SOX5: variants seen among roughly 807,000 people sequenced by gnomAD.
SOX5 encodes SRY-box transcription factor 5.
A neutral mutation model predicts 92.0 loss-of-function variants in SOX5; 9 were observed. The ratio of observed to expected loss-of-function variants is 0.10; its 90% CI spans 0.06 to 0.17. The LOEUF (loss-of-function observed/expected upper bound fraction) is 0.17. SOX5 is among the 10% of genes least tolerant of loss of function. The probability of loss-of-function intolerance (pLI) is 1.00; values close to 1 mark genes in which losing one functional copy is unlikely to be tolerated. For missense variants in SOX5, 642 were observed against 944.5 expected, an observed-to-expected ratio of 0.68 and a Z score of 4.20; for synonymous variants, 344 against 336.3, an observed-to-expected ratio of 1.02 and a Z score of -0.25.
rs574714125 is a variant in SOX5, at chr12:24,410,898, T to C, written c.-250-42259A>G. Among the ~76,000 whole-genome samples the C allele has an allele frequency of 6.6e-5, 10 of 152,330 alleles. No individual in the cohort carries two copies. The South Asian group carries it at 2.1e-3, about 32-fold the overall frequency. On this transcript the variant is annotated intron_variant, in intron 1 of 4. Transcript: ENST00000446891. ...AATTGTGTTAAGCCTGTGTGTCAGTTTGAGGAGAACTGCCATCTTTGCCAT... is the reference window on the plus strand; with the variant it reads ...AATTGTGTTAAGCCTGTGTGTCAGTCTGAGGAGAACTGCCATCTTTGCCAT...
chr12:23,742,347 C>CT (rs2093827103), intron 4 of SOX5, among the ~76,000 whole-genome samples: 1 of 152,140 alleles, frequency 6.6e-6, no homozygotes, highest in Non-Finnish European at 1.5e-5. Context: ...GTAACCATTT[C>CT]TTATGCTCTT....
chr12:23,981,844 T>A (rs1949597003), intron 4 of SOX5, among the ~76,000 whole-genome samples: 1 of 152,208 alleles, frequency 6.6e-6, no homozygotes, highest in Non-Finnish European at 1.5e-5. Flanking sequence ...CACAATTCCT[T>A]GTTTTCTAGT....
upstream of SOX5, among the ~76,000 whole-genome samples, chr12:23,951,877 T>C (rs1945697634): frequency 6.6e-6 from 1 of 152,174 alleles, no homozygotes; most frequent in African/African-American, 2.4e-5. Flanking sequence ...TCAAATTATT[T>C]TTTGTTACAG....
chr12:23,912,641 A>T (rs998277400), intron 1 of SOX5, among the ~76,000 whole-genome samples: 1 of 152,214 alleles, frequency 6.6e-6, no homozygotes, highest in African/African-American at 2.4e-5. Flanking sequence ...CATACAATGG[A>T]ACATGATTCA....
intron 6 of SOX5, among the ~76,000 whole-genome samples, chr12:23,712,081 G>A (rs1026065278): frequency 2.0e-5 from 3 of 152,164 alleles, no homozygotes; most frequent in Non-Finnish European, 2.9e-5. Flanking sequence ...TGACTGGTGA[G>A]AATCGTGCTA....
At chr12:23,676,104 G>T (rs2085637418) in intron 6 of SOX5, among the ~76,000 whole-genome samples, 1 of 152,052 alleles carries the variant, frequency 6.6e-6, no homozygotes, top group South Asian at 2.1e-4. Context: ...GGTCAAAGGG[G>T]ACTAAATTGC....
At chr12:24,001,691 C>T (rs1250785907) in intron 4 of SOX5, among the ~76,000 whole-genome samples, 3 of 152,088 alleles carry the variant, frequency 2.0e-5, no homozygotes, top group Admixed American at 2.0e-4. Flanking sequence ...ATCTGTACAC[C>T]ACTAATAATT....
At chr12:24,122,064 T>C (rs1593355498) in intron 4 of SOX5, among the ~76,000 whole-genome samples, 1 of 152,192 alleles carries the variant, frequency 6.6e-6, no homozygotes, top group East Asian at 1.9e-4. Flanking sequence ...TTGATTCAGC[T>C]TACACAATTC....
chr12:24,333,550 T>C (rs1461050908), intron 2 of SOX5, among the ~76,000 whole-genome samples: 6 of 152,014 alleles, frequency 3.9e-5, no homozygotes, highest in South Asian at 2.1e-4. Flanking sequence ...TACTAGATGA[T>C]AAAATGACAT....
chr12:24,050,376 G>T (rs1179692871), intron 4 of SOX5, among the ~76,000 whole-genome samples: 2 of 152,106 alleles, frequency 1.3e-5, no homozygotes, highest in Admixed American at 1.3e-4. Context: ...AGCAAACACG[G>T]TGAGTGTATA....
intron 1 of SOX5, among the ~76,000 whole-genome samples, chr12:24,402,369 G>A (rs1195360191): frequency 6.6e-6 from 1 of 152,132 alleles, no homozygotes; most frequent in Non-Finnish European, 1.5e-5. Flanking sequence ...ATAGTGACCT[G>A]TCCCTACCAC....
chr12:24,137,628 C>G (rs1280971310), intron 4 of SOX5, among the ~76,000 whole-genome samples: 4 of 152,018 alleles, frequency 2.6e-5, no homozygotes, highest in Non-Finnish European at 5.9e-5. Flanking sequence ...GAGACTCCGT[C>G]TCAAAAAAAC....
At chr12:24,321,862 T>C (rs993523550) in intron 2 of SOX5, among the ~76,000 whole-genome samples, 3 of 152,078 alleles carry the variant, frequency 2.0e-5, no homozygotes, top group African/African-American at 7.2e-5. Context: ...CATCAAAGGG[T>C]TCAGAAGTTG....
chr12:23,748,917 T>C (rs1362076104), intron 4 of SOX5, among the ~76,000 whole-genome samples: 5 of 152,002 alleles, frequency 3.3e-5, no homozygotes, highest in Admixed American at 1.3e-4. Flanking sequence ...TAAATACTAA[T>C]GGTATTTGCT....
At chr12:24,110,648 G>A (rs1279981810) in intron 4 of SOX5, among the ~76,000 whole-genome samples, 1 of 152,110 alleles carries the variant, frequency 6.6e-6, no homozygotes, top group South Asian at 2.1e-4. Flanking sequence ...CACTTTGGGA[G>A]GCCGAGGCGG....
intron 2 of SOX5, among the ~76,000 whole-genome samples, chr12:24,324,015 C>A (rs982582321): frequency 6.6e-6 from 1 of 152,110 alleles, no homozygotes; most frequent in African/African-American, 2.4e-5. Context: ...ATTACAAGGG[C>A]AGCTTAGTGA....
intron 4 of SOX5, among the ~76,000 whole-genome samples, chr12:24,105,552 C>G (rs537805205): frequency 6.6e-6 from 1 of 152,050 alleles, no homozygotes; most frequent in African/African-American, 2.4e-5. Context: ...ATCAATCAAT[C>G]AATCAATCAA....
intron 1 of SOX5, among the ~76,000 whole-genome samples, chr12:24,483,669 A>G (rs536432931): frequency 1.5e-4 from 23 of 152,332 alleles, no homozygotes; most frequent in Admixed American, 1.0e-3. Context: ...TGGCATCAAT[A>G]CCCACCTTAC....
intron 1 of SOX5, among the ~76,000 whole-genome samples, chr12:24,437,760 C>T (rs1046844813): frequency 2.6e-5 from 4 of 152,160 alleles, no homozygotes; most frequent in African/African-American, 7.2e-5. Context: ...GTTAGAATGG[C>T]GATCATTAAA....
Sources: allele counts gnomAD v4.1 joint callset (sites outside exome capture counted in the v4.1 genomes callset), GRCh38; gene constraint gnomAD v4.1.1; transcripts MANE v1.5; gene names NCBI Gene and HGNC (gene_info 2026-07-23, HGNC 2026-07-21).